Variants in KCNH8 observed in about 807,000 individuals in gnomAD.
The protein encoded by KCNH8 is voltage-gated delayed rectifier potassium channel KCNH8.
KCNH8 carries 70 observed loss-of-function variants against 103.6 expected under a neutral mutation model. The ratio of observed to expected loss-of-function variants is 0.68; its 90% CI spans 0.56 to 0.82. The LOEUF is 0.82. Among genes scored for constraint, KCNH8 ranks in the 40% least tolerant of loss-of-function variants. The pLI is 0.00. For missense variants in KCNH8, 1,217 were observed against 1,329.9 expected, an observed-to-expected ratio of 0.92 and a Z score of 1.32; for synonymous variants, 498 against 489.4, an observed-to-expected ratio of 1.02 and a Z score of -0.23.
chr3:19,533,781 A>G lies in KCNH8; in HGVS notation c.3006A>G (p.Gln1002=), dbSNP rs747622725. ...DYSPSHYQVV[Q]EGHLQFLRCI... is the part of the protein sequence containing the mutation. The stretch of plus-strand genomic sequence containing the variant: ...CACCTTCCCACTACCAGGTTGTCCA[A>G]GAAGGTCATTTGCAATTTTTAAGGT... The change falls in exon 16 of 16, where the codon CAA becomes CAG. Residue 1002 remains glutamine, a synonymous_variant. Coordinates refer to ENST00000328405, the MANE Select transcript of KCNH8 (RefSeq NM_144633.3). The G allele has an allele frequency of 1.2e-6, 2 of 1,614,160 alleles. No individual in the cohort carries two copies. Among genetic ancestry groups the G allele is most frequent in the South Asian group, 1.1e-5 (1 of 91,084 alleles).
intron 1 of KCNH8, among the ~76,000 whole-genome samples, chr3:19,156,322 C>T (rs2125182417): frequency 6.6e-6 from 1 of 152,192 alleles, no homozygotes; most frequent in African/African-American, 2.4e-5. Flanking sequence ...ATCATATTAG[C>T]CTGTGATTTT....
At chr3:19,393,196 T>C (rs1026950902) in intron 6 of KCNH8, among the ~76,000 whole-genome samples, 2 of 151,942 alleles carry the variant, frequency 1.3e-5, no homozygotes, top group African/African-American at 4.8e-5. Context: ...AAAAGAATCC[T>C]GTCCCTTTTT....
At chr3:19,341,946 G>A (rs1266131855) in intron 3 of KCNH8, among the ~76,000 whole-genome samples, 4 of 152,142 alleles carry the variant, frequency 2.6e-5, no homozygotes, top group African/African-American at 7.2e-5. Context: ...AAAACTGTAT[G>A]CATTTAAGAA....
At chr3:19,406,223 G>C (rs989993476) in intron 7 of KCNH8, among the ~76,000 whole-genome samples, 7 of 152,006 alleles carry the variant, frequency 4.6e-5, no homozygotes, top group African/African-American at 1.4e-4. Context: ...TACCATTAAA[G>C]TATAATTGTA....
intron 5 of KCNH8, among the ~76,000 whole-genome samples, chr3:19,370,864 G>GT (rs2066081557): frequency 1.3e-5 from 2 of 151,372 alleles, no homozygotes; most frequent in Admixed American, 1.3e-4. Flanking sequence ...GCGGTGTTTG[G>GT]TTTTTTCTTC....
At chr3:19,285,405 C>T (rs1299279720) in intron 3 of KCNH8, among the ~76,000 whole-genome samples, 4 of 152,020 alleles carry the variant, frequency 2.6e-5, no homozygotes, top group Admixed American at 2.0e-4. Flanking sequence ...ACTGAGTTTC[C>T]TCATCTATAA....
chr3:19,333,280 A>AT, intron 3 of KCNH8, among the ~76,000 whole-genome samples: 1 of 152,204 alleles, frequency 6.6e-6, no homozygotes, highest in African/African-American at 2.4e-5. Flanking sequence ...GTTTAGAAAT[A>AT]TTTTTCCCAG....
intron 3 of KCNH8, among the ~76,000 whole-genome samples, chr3:19,330,291 A>G (rs2065488013): frequency 1.3e-5 from 2 of 152,086 alleles, no homozygotes; most frequent in Admixed American, 1.3e-4. Flanking sequence ...ATTCTCCCTT[A>G]TAAATGTCTT....
At chr3:19,475,506 C>A (rs1167536842) in intron 11 of KCNH8, among the ~76,000 whole-genome samples, 1 of 152,150 alleles carries the variant, frequency 6.6e-6, no homozygotes, top group Admixed American at 6.6e-5. Context: ...CATTGATTCA[C>A]CCTTCTTCCC....
intron 1 of KCNH8, among the ~76,000 whole-genome samples, chr3:19,180,367 C>T (rs1219445947): frequency 6.6e-6 from 1 of 151,918 alleles, no homozygotes; most frequent in Non-Finnish European, 1.5e-5. Context: ...AGACATGCTT[C>T]TTGTTGAAAC....
At chr3:19,435,040 C>CCA (rs372666855) in intron 7 of KCNH8, among the ~76,000 whole-genome samples, 9 of 151,570 alleles carry the variant, frequency 5.9e-5, no homozygotes, top group South Asian at 2.1e-4. Context: ...AATGTTCTCA[C>CCA]CACACACACA....
intron 11 of KCNH8, among the ~76,000 whole-genome samples, chr3:19,465,291 G>T (rs925015844): frequency 2.0e-5 from 3 of 152,094 alleles, no homozygotes; most frequent in African/African-American, 7.2e-5. Flanking sequence ...TAAGAAGTAT[G>T]CTAAATCTTT....
At chr3:19,428,679 GAGA>G (rs561688242) in intron 7 of KCNH8, among the ~76,000 whole-genome samples, 56 of 152,308 alleles carry the variant, frequency 3.7e-4, no homozygotes, top group Admixed American at 9.8e-4. Flanking sequence ...CCATTTTAGT[GAGA>G]AGAAGACTGA....
chr3:19,469,115 C>T (rs774357045), intron 11 of KCNH8, among the ~76,000 whole-genome samples: 5 of 152,106 alleles, frequency 3.3e-5, no homozygotes, highest in Non-Finnish European at 5.9e-5. Context: ...ATCTGCTAGC[C>T]GAGTCCTGCA....
chr3:19,456,847 C>T lies in KCNH8; in HGVS notation c.1905C>T (p.Thr635=). Residue 635 remains threonine, a synonymous_variant, in exon 11 of 16, where the codon ACC becomes ACT. Coordinates refer to ENST00000328405, the MANE Select transcript of KCNH8 (RefSeq NM_144633.3). ...IKTNADVKAL[T]YCDLQCIILK... ...CCAATGCAGATGTAAAGGCTTTAAC[C>T]TACTGTGATCTCCAGTGTATCATCC... is the stretch of plus-strand genomic sequence containing the variant. 2 of 1,612,056 alleles carry T rather than the reference C, an allele frequency of 1.2e-6. No homozygotes were observed. The highest frequency in any genetic ancestry group is 1.7e-6 in the Non-Finnish European group (2 of 1,178,642).
At chr3:19,519,831 A>G (rs2068941008) in intron 15 of KCNH8, among the ~76,000 whole-genome samples, 1 of 151,910 alleles carries the variant, frequency 6.6e-6, no homozygotes, top group African/African-American at 2.4e-5. Context: ...AGGGCATTTA[A>G]TAATTTTAAA....
intron 3 of KCNH8, among the ~76,000 whole-genome samples, chr3:19,304,706 A>G (rs2065107459): frequency 6.6e-6 from 1 of 152,136 alleles, no homozygotes; most frequent in South Asian, 2.1e-4. Context: ...CAAGGACTAT[A>G]TTACCCTAGA....
At chr3:19,505,105 C>T (rs1320935200) in intron 11 of KCNH8, among the ~76,000 whole-genome samples, 1 of 148,580 alleles carries the variant, frequency 6.7e-6, no homozygotes. Flanking sequence ...ACACACACAC[C>T]ATGGAATACT....
At chr3:19,498,777 GT>G (rs2068505837) in intron 11 of KCNH8, among the ~76,000 whole-genome samples, 1 of 152,106 alleles carries the variant, frequency 6.6e-6, no homozygotes, top group Non-Finnish European at 1.5e-5. Flanking sequence ...TGTCCTTTCT[GT>G]TTGTTAGTTT....
Sources: allele counts gnomAD v4.1 joint callset (sites outside exome capture counted in the v4.1 genomes callset), GRCh38; gene constraint gnomAD v4.1.1; transcripts MANE v1.5; gene names NCBI Gene and HGNC (gene_info 2026-07-23, HGNC 2026-07-21).